Variants in TXNRD1 observed in about 807,000 individuals in gnomAD.
TXNRD1 encodes thioredoxin reductase 1, cytoplasmic.
A neutral mutation model predicts 80.3 loss-of-function variants in TXNRD1; 57 were observed. The ratio of observed to expected loss-of-function variants is 0.71; its 90% CI spans 0.57 to 0.89. The LOEUF is 0.89. Ranked by LOEUF, TXNRD1 falls within the 40% of genes least tolerant of loss-of-function variation. TXNRD1 has a pLI of 0.00. For missense variants in TXNRD1, 730 were observed against 803.0 expected, an observed-to-expected ratio of 0.91 and a Z score of 1.10; for synonymous variants, 291 against 285.2, an observed-to-expected ratio of 1.02 and a Z score of -0.20.
chr12:104,218,084 G>A (rs149220553), intron 1 of TXNRD1, among the ~76,000 whole-genome samples: 42 of 151,608 alleles, frequency 2.8e-4, no homozygotes, highest in African/African-American at 8.5e-4. Flanking sequence ...CTGGAGTGCC[G>A]TGGCATGATC....
chr12:104,299,888 A>G (rs1238499510), intron 4 of TXNRD1, among the ~76,000 whole-genome samples: 1 of 152,206 alleles, frequency 6.6e-6, no homozygotes, highest in Admixed American at 6.5e-5. Context: ...AACAGAAGCC[A>G]TGGTGGTATG....
chr12:104,245,287 G>A (rs939011000), intron 1 of TXNRD1, among the ~76,000 whole-genome samples: 1 of 151,520 alleles, frequency 6.6e-6, no homozygotes, highest in African/African-American at 2.4e-5. Flanking sequence ...TGCGGCAGGC[G>A]GGTCACCTGA....
intron 3 of TXNRD1, among the ~76,000 whole-genome samples, chr12:104,260,456 C>T (rs1384889663): frequency 7.0e-6 from 1 of 142,732 alleles, no homozygotes; most frequent in Non-Finnish European, 1.5e-5. Flanking sequence ...AACAAGAGCA[C>T]AACTCCATCT....
chr12:104,293,829 A>G (rs1022797167), intron 4 of TXNRD1, among the ~76,000 whole-genome samples: 2 of 152,288 alleles, frequency 1.3e-5, no homozygotes, highest in African/African-American at 4.8e-5. Flanking sequence ...GTCGGGCTGC[A>G]CTATTATTTA....
chr12:104,334,606 G>A (rs147074618), intron 15 of TXNRD1, among the ~76,000 whole-genome samples: 12 of 152,226 alleles, frequency 7.9e-5, no homozygotes, highest in East Asian at 1.9e-4. Flanking sequence ...ACCTGACCTC[G>A]TAATCTGCCT....
At chr12:104,331,735 C>T (rs1164485077) in intron 14 of TXNRD1, 94 bp downstream of exon 14, 5 of 777,852 alleles carry the variant, frequency 6.4e-6, no homozygotes, top group African/African-American at 3.5e-5. Flanking sequence ...TAGTACAAAG[C>T]ATTTTCATAT....
chr12:104,235,645 T>C (rs748013922), intron 1 of TXNRD1, among the ~76,000 whole-genome samples: 6 of 152,238 alleles, frequency 3.9e-5, no homozygotes, highest in Non-Finnish European at 8.8e-5. Context: ...GAGGTTAGTC[T>C]TAAGCTGTAG....
chr12:104,300,704 T>G (rs2034593667), intron 4 of TXNRD1, among the ~76,000 whole-genome samples: 1 of 152,172 alleles, frequency 6.6e-6, no homozygotes, highest in Admixed American at 6.5e-5. Context: ...GGGGTTTCGC[T>G]CTTGTTGCCC....
chr12:104,324,747 A>G (rs2135844527), intron 10 of TXNRD1, among the ~76,000 whole-genome samples: 1 of 152,246 alleles, frequency 6.6e-6, no homozygotes, highest in South Asian at 2.1e-4. Context: ...CCATCACTCA[A>G]GTATCAGGGC....
chr12:104,334,888 ACTGT>A (rs1417986263), intron 15 of TXNRD1, among the ~76,000 whole-genome samples: 1 of 152,156 alleles, frequency 6.6e-6, no homozygotes, highest in African/African-American at 2.4e-5. Flanking sequence ...CAACTTGAGA[ACTGT>A]CTATGTTTGT....
At chr12:104,294,996 G>T (rs986232421) in intron 4 of TXNRD1, among the ~76,000 whole-genome samples, 1 of 152,196 alleles carries the variant, frequency 6.6e-6, no homozygotes, top group South Asian at 2.1e-4. Flanking sequence ...TCTGCTTTTG[G>T]CTTGATTAAA....
intron 1 of TXNRD1, among the ~76,000 whole-genome samples, chr12:104,241,564 C>T (rs895967665): frequency 2.0e-5 from 3 of 151,664 alleles, no homozygotes; most frequent in Non-Finnish European, 2.9e-5. Context: ...GAGACGGACT[C>T]TCCACTTTGG....
chr12:104,314,891 A>G (rs2035270367), intron 6 of TXNRD1, among the ~76,000 whole-genome samples: 1 of 151,912 alleles, frequency 6.6e-6, no homozygotes, highest in South Asian at 2.1e-4. Flanking sequence ...ACAGACACGT[A>G]CCACCATGCC....
At position 104,339,112 on chromosome 12, in the gene TXNRD1, G is replaced by A. The variant is rs376423532; in HGVS notation, c.1747-27G>A. The A allele has an allele frequency of 9.9e-5, 159 of 1,613,100 alleles. 1 individual carries two copies. Among genetic ancestry groups the A allele is most frequent in the Middle Eastern group, 6.6e-4 (4 of 6,052 alleles). ...GGAGGGGAGAAAAATCAGCTTAATT[G>A]CATTATTGTATTTTTTTTTGCCTTA... On this transcript the variant is annotated intron_variant, in intron 15 of 16. Coordinates refer to ENST00000525566, the MANE Select transcript of TXNRD1 (RefSeq NM_001093771.3).
chr12:104,239,509 C>T (rs1296549362), intron 1 of TXNRD1, among the ~76,000 whole-genome samples: 1 of 152,038 alleles, frequency 6.6e-6, no homozygotes, highest in African/African-American at 2.4e-5. Flanking sequence ...GTTTTTATTG[C>T]TAATTCAATC....
intron 1 of TXNRD1, among the ~76,000 whole-genome samples, chr12:104,231,913 CAATT>C (rs921871309): frequency 6.6e-6 from 1 of 152,194 alleles, no homozygotes; most frequent in Non-Finnish European, 1.5e-5. Context: ...AGCTTAAAAA[CAATT>C]AATGAGACTA....
chr12:104,337,229 G>C (rs555575502), intron 15 of TXNRD1, among the ~76,000 whole-genome samples: 1 of 151,802 alleles, frequency 6.6e-6, no homozygotes, highest in Admixed American at 6.6e-5. Context: ...CCATAAACCC[G>C]GAATCGTCAG....
chr12:104,267,657 C>CTTTCTTTCTTTCTTTCTTTCTTTCTTTG (rs1565870042), intron 3 of TXNRD1, among the ~76,000 whole-genome samples: 656 of 31,216 alleles, frequency 0.021, 13 homozygotes, highest in South Asian at 0.085. Flanking sequence ...ATCTTTCTTT[C>CTTTCTTTCTTTCTTTCTTTCTTTCTTTG]TTTCTTTCTT....
chr12:104,256,584 TC>T (rs2033253507), intron 2 of TXNRD1, among the ~76,000 whole-genome samples: 1 of 151,800 alleles, frequency 6.6e-6, no homozygotes, highest in Non-Finnish European at 1.5e-5. Context: ...ATAGAGACCA[TC>T]CTGGCCAACA....
Sources: gnomAD v4.1 joint callset for allele counts (sites outside exome capture counted in the v4.1 genomes callset) on GRCh38, gnomAD v4.1.1 for gene constraint, MANE v1.5 for transcripts, NCBI Gene and HGNC (gene_info 2026-07-23, HGNC 2026-07-21) for gene names.